Variants in LYPLAL1 observed in about 807,000 individuals in gnomAD.
LYPLAL1 encodes the protein lysophospholipase-like protein 1.
In LYPLAL1, 23 loss-of-function variants were observed where a neutral mutation model predicts 19.7. That is an observed-to-expected ratio of 1.17 (90% CI 0.84 to 1.65). The LOEUF is 1.65. LYPLAL1 is among the 40% of genes most tolerant of loss of function. LYPLAL1 has a pLI of 0.00. For synonymous variants in LYPLAL1, 119 were observed against 96.3 expected (o/e 1.24, Z -1.38); for missense variants, 355 against 279.4 (o/e 1.27, Z -1.93).
the LYPLAL1 span, among the ~76,000 whole-genome samples, chr1:219,438,840 T>C: frequency 6.6e-6 from 1 of 152,162 alleles, no homozygotes; most frequent in African/African-American, 2.4e-5. Context: ...TGATAACATA[T>C]CCATCCATCA....
At chr1:219,188,438 A>G (rs1247957885) in intron 2 of LYPLAL1, among the ~76,000 whole-genome samples, 1 of 151,704 alleles carries the variant, frequency 6.6e-6, no homozygotes, top group Non-Finnish European at 1.5e-5. Flanking sequence ...AGAGCCCTCT[A>G]AGTAGTGGGG....
the LYPLAL1 span, among the ~76,000 whole-genome samples, chr1:219,289,131 G>A: frequency 7.1e-6 from 1 of 140,634 alleles, no homozygotes; most frequent in African/African-American, 2.6e-5. Context: ...CAGGACCCGA[G>A]GATGTGTAAC....
the LYPLAL1 span, among the ~76,000 whole-genome samples, chr1:219,433,135 C>T: frequency 2.0e-5 from 3 of 152,094 alleles, no homozygotes; most frequent in Non-Finnish European, 2.9e-5. Flanking sequence ...CTGTTTCTAG[C>T]GGGGACTGGA....
At chr1:219,429,032 G>T in the LYPLAL1 span, among the ~76,000 whole-genome samples, 1 of 152,164 alleles carries the variant, frequency 6.6e-6, no homozygotes, top group Non-Finnish European at 1.5e-5. Context: ...GCTGAGAATT[G>T]TGCCTACCTT....
chr1:219,218,665 A>C, the LYPLAL1 span, among the ~76,000 whole-genome samples: 2 of 152,088 alleles, frequency 1.3e-5, no homozygotes, highest in Non-Finnish European at 2.9e-5. Context: ...AAGACAGCCG[A>C]TTCACCAGCC....
chr1:219,250,805 T>C, the LYPLAL1 span, among the ~76,000 whole-genome samples: 1 of 152,104 alleles, frequency 6.6e-6, no homozygotes, highest in Non-Finnish European at 1.5e-5. Flanking sequence ...TTTATATTCC[T>C]CTGGATATAT....
At chr1:219,366,570 C>A in the LYPLAL1 span, among the ~76,000 whole-genome samples, 1 of 152,148 alleles carries the variant, frequency 6.6e-6, no homozygotes, top group African/African-American at 2.4e-5. Flanking sequence ...ATGCCATTTT[C>A]ATGTCAGAAA....
At chr1:219,229,435 C>T in the LYPLAL1 span, among the ~76,000 whole-genome samples, 28 of 152,214 alleles carry the variant, frequency 1.8e-4, no homozygotes, top group Admixed American at 1.7e-3. Flanking sequence ...AAGCATCTCT[C>T]TTCTGGCTCC....
the LYPLAL1 span, among the ~76,000 whole-genome samples, chr1:219,433,914 A>C: frequency 1.3e-5 from 2 of 152,360 alleles, no homozygotes; most frequent in South Asian, 4.1e-4. Context: ...GGCTCCACCC[A>C]CAAGGTCGAC....
the LYPLAL1 span, among the ~76,000 whole-genome samples, chr1:219,327,041 G>A: frequency 5.4e-4 from 82 of 152,312 alleles, no homozygotes; most frequent in Admixed American, 1.4e-3. Flanking sequence ...GGAGATGGCA[G>A]TGAGCCAAGA....
intron 2 of LYPLAL1, among the ~76,000 whole-genome samples, chr1:219,183,603 T>G (rs1656472275): frequency 6.6e-6 from 1 of 151,966 alleles, no homozygotes; most frequent in Non-Finnish European, 1.5e-5. Flanking sequence ...TCCCATCTCA[T>G]GTATTATTGT....
At chr1:219,183,761 T>G (rs1333428244) in intron 2 of LYPLAL1, among the ~76,000 whole-genome samples, 1 of 151,988 alleles carries the variant, frequency 6.6e-6, no homozygotes, top group African/African-American at 2.4e-5. Flanking sequence ...TGTGTATCAA[T>G]AGTTCAATTT....
chr1:219,331,719 A>G, the LYPLAL1 span, among the ~76,000 whole-genome samples: 4 of 152,292 alleles, frequency 2.6e-5, no homozygotes, highest in Non-Finnish European at 5.9e-5. Context: ...ATTGGAGCCA[A>G]CAATCCAATC....
chr1:219,293,751 A>T, the LYPLAL1 span, among the ~76,000 whole-genome samples: 1 of 152,238 alleles, frequency 6.6e-6, no homozygotes, highest in Non-Finnish European at 1.5e-5. Flanking sequence ...TAGCTTAGGT[A>T]TCTTAATACA....
the LYPLAL1 span, among the ~76,000 whole-genome samples, chr1:219,330,867 G>T: frequency 6.6e-6 from 1 of 152,120 alleles, no homozygotes; most frequent in Middle Eastern, 3.2e-3. Flanking sequence ...TTTGACCAAG[G>T]CTCTCTTTGG....
chr1:219,180,923 C>T (rs906310472), intron 2 of LYPLAL1, among the ~76,000 whole-genome samples: 2 of 152,050 alleles, frequency 1.3e-5, no homozygotes, highest in African/African-American at 4.8e-5. Context: ...AATCATTGGA[C>T]CAGCTTCATG....
chr1:219,368,833 C>A, the LYPLAL1 span, among the ~76,000 whole-genome samples: 2 of 152,240 alleles, frequency 1.3e-5, no homozygotes, highest in Non-Finnish European at 2.9e-5. Context: ...ACTATCTACA[C>A]CATTAAACTA....
the LYPLAL1 span, chr1:219,225,576 G>A: frequency 6.6e-6 from 1 of 151,916 alleles, no homozygotes; most frequent in Non-Finnish European, 1.5e-5. Context: ...CTCCCTCTTA[G>A]TTCTACCCTC....
chr1:219,185,774 C>T (rs919231494), intron 2 of LYPLAL1, among the ~76,000 whole-genome samples: 1 of 151,910 alleles, frequency 6.6e-6, no homozygotes, highest in Admixed American at 6.6e-5. Context: ...GGTCTTATTA[C>T]CGTAACACCT....
Sources: gnomAD v4.1 joint callset for allele counts (sites outside exome capture counted in the v4.1 genomes callset) on GRCh38, gnomAD v4.1.1 for gene constraint, MANE v1.5 for transcripts, NCBI Gene and HGNC (gene_info 2026-07-23, HGNC 2026-07-21) for gene names.